CSF2RA: variants seen among roughly 807,000 people sequenced by gnomAD.
CSF2RA encodes the protein granulocyte-macrophage colony-stimulating factor receptor subunit alpha.
In CSF2RA, 42 loss-of-function variants were observed where a neutral mutation model predicts 51.6. The observed-to-expected ratio is 0.81, with a 90% CI of 0.64 to 1.05. The LOEUF (loss-of-function observed/expected upper bound fraction) is 1.05, where lower values mean the gene tolerates loss of function less well. Ranked by LOEUF, CSF2RA falls within the 50% of genes least tolerant of loss-of-function variation. The pLI is 0.00. For missense variants in CSF2RA, 530 were observed against 501.1 expected (o/e 1.06, Z -0.55); for synonymous variants, 222 against 193.0 (o/e 1.15, Z -1.24).
chrX:1,290,178 T>A (rs1326029970), intron 6 of CSF2RA, among the ~76,000 whole-genome samples, 159 bp from the exon 7 acceptor site: 1 of 151,938 alleles, frequency 6.6e-6, no homozygotes, highest in Non-Finnish European at 1.5e-5. Context: ...TGTTTTGTGT[T>A]TTGTGTTTTT....
In CSF2RA at chrX:1,302,114, C is replaced by T. The variant is rs151017924; in HGVS notation, c.946+1488C>T. 4.7e-3 allele frequency among the ~76,000 whole-genome samples: 704 copies of T among 151,236 alleles called. 2 individuals carry two copies. The highest frequency in any genetic ancestry group is 6.8e-3 in the Non-Finnish European group (462 of 67,818). ...TATTTTTAGTAGAGACGGGGTTTCA[C>T]CATGTTGGTCAGGCTGTTCTTGAAC... On this transcript the variant is annotated intron_variant, in intron 10 of 12. Transcript: ENST00000381529.
At chrX:1,316,015 T>C in the CSF2RA span, among the ~76,000 whole-genome samples, 27 of 115,206 alleles carry the variant, frequency 2.3e-4, no homozygotes, top group African/African-American at 6.7e-4. Context: ...TAGATAGATA[T>C]ATAGATAGAT....
At chrX:1,274,965 G>A (rs2088971259) in intron 2 of CSF2RA, 147 bp downstream of exon 2, 3 of 402,102 alleles carry the variant, frequency 7.5e-6, no homozygotes, top group Non-Finnish European at 1.5e-5. Flanking sequence ...ATGAGGAACT[G>A]TCTGACCTAT....
At chrX:1,319,935 C>T in the CSF2RA span, among the ~76,000 whole-genome samples, 2 of 148,834 alleles carry the variant, frequency 1.3e-5, 1 homozygote, top group Non-Finnish European at 3.0e-5. Flanking sequence ...TCGCTCTGTC[C>T]CCCAGGCCAG....
downstream of CSF2RA, among the ~76,000 whole-genome samples, chrX:1,314,378 T>TGCGC (rs2084361450): frequency 2.7e-5 from 3 of 112,658 alleles, no homozygotes; most frequent in African/African-American, 7.6e-5. Context: ...GCCCAACCAC[T>TGCGC]CTGTGCCTGC....
At chrX:1,273,249 C>T (rs560774673) in intron 1 of CSF2RA, among the ~76,000 whole-genome samples, 3 of 149,216 alleles carry the variant, frequency 2.0e-5, no homozygotes, top group African/African-American at 7.3e-5. Flanking sequence ...CAACCTGACT[C>T]TGGCAAACGT....
downstream of CSF2RA, among the ~76,000 whole-genome samples, chrX:1,313,557 A>G (rs2084276139): frequency 1.4e-4 from 1 of 6,942 alleles, no homozygotes; most frequent in African/African-American, 3.7e-3. Flanking sequence ...TAAAAATACA[A>G]AAAAAAAAGC....
At chrX:1,282,842 G>C (rs1353695105) in intron 3 of CSF2RA, 63 bp downstream of exon 3, 5 of 1,351,648 alleles carry the variant, frequency 3.7e-6, no homozygotes, top group African/African-American at 2.9e-5. Flanking sequence ...TGCATCTGGA[G>C]ACCCATCTGG....
At chrX:1,295,503 C>T (rs749793529) in intron 9 of CSF2RA, 47 bp downstream of exon 9, 20 of 1,562,816 alleles carry the variant, frequency 1.3e-5, no homozygotes, top group East Asian at 9.5e-5. Flanking sequence ...CGTAACCCTA[C>T]GGTCCCCTAC....
chrX:1,307,143 G>C (rs1250000879), intron 12 of CSF2RA, among the ~76,000 whole-genome samples: 1 of 152,160 alleles, frequency 6.6e-6, no homozygotes, highest in Non-Finnish European at 1.5e-5. Context: ...CAGTAGGCTG[G>C]CAGGCTGGAA....
rs1187137464 is a variant in CSF2RA at position 1,309,554 on chromosome X, G to C, written c.*75G>C. Reference sequence around the variant, plus strand: ...GGGGAACTGTTTTCTTGATGATGCTGTGAACCTTTATATCATTTTCTATGT... The same window carrying C: ...GGGGAACTGTTTTCTTGATGATGCTCTGAACCTTTATATCATTTTCTATGT... On this transcript the variant is annotated 3_prime_UTR_variant, in exon 13 of 13. Transcript: ENST00000381529. The C allele has an allele frequency of 6.2e-7, 1 of 1,613,838 alleles. No individual in the cohort carries two copies. Among genetic ancestry groups the C allele is most frequent in the Admixed American group, 1.7e-5 (1 of 59,984 alleles).
rs1391739432 is a variant in CSF2RA, at chrX:1,290,278, T to G, written c.474-59T>G. 8 of 1,356,760 alleles carry G rather than the reference T, an allele frequency of 5.9e-6. No individual in the cohort carries two copies. The African/African-American group carries it at 7.2e-5, about 12-fold the overall frequency. 84.0% of individuals were successfully genotyped at this position (1,356,760 alleles called of 1,614,324 possible). ...TTGTGTTTGTTTTTGTTTTGTTTTG[T>G]GTTTTTGTGTTTTGTTTTGTTTTCC... On this transcript the variant is annotated intron_variant, in intron 6 of 12. Transcript: ENST00000381529.
intron 10 of CSF2RA, among the ~76,000 whole-genome samples, chrX:1,300,853 C>A (rs1467316818): frequency 1.3e-5 from 2 of 151,976 alleles, no homozygotes; most frequent in Non-Finnish European, 2.9e-5. Context: ...TGAGTTGGCT[C>A]CCTTAATAAC....
intron 12 of CSF2RA, among the ~76,000 whole-genome samples, chrX:1,307,561 T>G (rs1408713664): frequency 6.6e-6 from 1 of 152,212 alleles, no homozygotes; most frequent in African/African-American, 2.4e-5. Flanking sequence ...CCTTTGGACC[T>G]TCAACTGATT....
At chrX:1,289,037 C>G in intron 6 of CSF2RA, 149 bp downstream of exon 6, 1 of 1,068,616 alleles carries the variant, frequency 9.4e-7, no homozygotes, top group Non-Finnish European at 1.4e-6. Context: ...CCTCGGCTCA[C>G]TGCAACCTCG....
At chrX:1,273,747 A>AT (rs749510441) in intron 1 of CSF2RA, among the ~76,000 whole-genome samples, 62 of 122,484 alleles carry the variant, frequency 5.1e-4, no homozygotes, top group African/African-American at 1.8e-3. Flanking sequence ...CGCCCAGCTA[A>AT]TTTTTTTTTT....
chrX:1,320,049 C>T, the CSF2RA span, among the ~76,000 whole-genome samples: 2 of 151,840 alleles, frequency 1.3e-5, no homozygotes, highest in Admixed American at 6.6e-5. Context: ...GTGCCCGCCA[C>T]CACGCCTGGC....
chrX:1,274,809 G>A lies in CSF2RA; in HGVS notation c.-36G>A, dbSNP rs763108099. 3.2e-4 allele frequency: 143 copies of A among 453,518 alleles called. 1 individual carries two copies. Among genetic ancestry groups the A allele is most frequent in the Middle Eastern group, 1.4e-3 (2 of 1,444 alleles). The allele number at this position is 453,518 out of a possible 1,614,324, so 28.1% of individuals were successfully genotyped here. On this transcript the variant is annotated 5_prime_UTR_variant, in exon 2 of 13. Coordinates refer to ENST00000381529, the MANE Select transcript of CSF2RA (RefSeq NM_172245.4). ...AGATCCGAGAAGCGGCGATGTTTGC[G>A]TAGAACCCTGTACGTGCTTCCTTCG... is the stretch of plus-strand genomic sequence containing the variant.
intron 11 of CSF2RA, 141 bp from the exon 12 acceptor site, chrX:1,305,305 G>A (rs747639617): frequency 1.8e-4 from 169 of 959,632 alleles, no homozygotes; most frequent in East Asian, 7.6e-4. Flanking sequence ...TAAGATTTTC[G>A]TCACTTGGTG....
Sources: gnomAD v4.1 joint callset for allele counts (sites outside exome capture counted in the v4.1 genomes callset) on GRCh38, gnomAD v4.1.1 for gene constraint, MANE v1.5 for transcripts, NCBI Gene and HGNC (gene_info 2026-07-23, HGNC 2026-07-21) for gene names.